Variants in C12orf42 observed in about 807,000 individuals in gnomAD.
C12orf42 encodes the protein uncharacterized protein C12orf42.
A neutral mutation model predicts 21.6 loss-of-function variants in C12orf42; 25 were observed. The observed-to-expected ratio is 1.16, with a 90% CI of 0.84 to 1.62. The LOEUF is 1.62. Ranked by LOEUF, C12orf42 falls within the 40% of genes most tolerant of loss-of-function variation. The probability of loss-of-function intolerance (pLI) is 0.00; values close to 1 mark genes in which losing one functional copy is unlikely to be tolerated. For missense variants in C12orf42, 483 were observed against 459.3 expected (o/e 1.05, Z -0.47); for synonymous variants, 174 against 175.0 (o/e 0.99, Z 0.05).
chr12:103,322,103 G>A (rs1000909507), intron 4 of C12orf42, among the ~76,000 whole-genome samples: 23 of 104,768 alleles, frequency 2.2e-4, no homozygotes, highest in East Asian at 1.6e-3. Flanking sequence ...AGATGTGCAC[G>A]CGCGTGCGTG....
chr12:103,500,207 C>G (rs937157069), upstream of C12orf42, among the ~76,000 whole-genome samples: 12 of 152,262 alleles, frequency 7.9e-5, no homozygotes, highest in East Asian at 2.3e-3. Context: ...TTTTGGGATC[C>G]TAAGAGAAGC....
At chr12:103,348,189 G>T (rs1424412434) in intron 4 of C12orf42, among the ~76,000 whole-genome samples, 1 of 152,154 alleles carries the variant, frequency 6.6e-6, no homozygotes, top group African/African-American at 2.4e-5. Flanking sequence ...GTATAAGAAA[G>T]AGATAAGAAT....
the C12orf42 span, among the ~76,000 whole-genome samples, chr12:103,538,988 C>T: frequency 7.2e-5 from 11 of 151,974 alleles, no homozygotes; most frequent in Middle Eastern, 3.2e-3. Context: ...CTCAGAAAAG[C>T]GAAGAAGGCA....
intron 2 of C12orf42, among the ~76,000 whole-genome samples, chr12:103,469,030 C>A (rs919919756): frequency 6.6e-6 from 1 of 152,198 alleles, no homozygotes; most frequent in Non-Finnish European, 1.5e-5. Context: ...ACTGCATAAC[C>A]ACCAGAAGAT....
At chr12:103,453,771 A>T (rs1172570901) in intron 2 of C12orf42, among the ~76,000 whole-genome samples, 1 of 151,872 alleles carries the variant, frequency 6.6e-6, no homozygotes, top group Non-Finnish European at 1.5e-5. Flanking sequence ...TGATTTTTTC[A>T]CTCAACTTAA....
At chr12:103,185,221 A>C in the C12orf42 span, among the ~76,000 whole-genome samples, 1 of 152,200 alleles carries the variant, frequency 6.6e-6, no homozygotes, top group Non-Finnish European at 1.5e-5. Flanking sequence ...TCATTGGCTA[A>C]GGGCGACTCC....
chr12:103,199,664 A>G, the C12orf42 span, among the ~76,000 whole-genome samples: 2 of 152,228 alleles, frequency 1.3e-5, no homozygotes, highest in African/African-American at 4.8e-5. Context: ...CCATTAATAA[A>G]CAAACATTTC....
downstream of C12orf42, among the ~76,000 whole-genome samples, chr12:103,235,965 G>T (rs766504026): frequency 1.3e-5 from 2 of 152,232 alleles, no homozygotes; most frequent in East Asian, 3.9e-4. Context: ...TGCTCCTTGT[G>T]GTTCTGGAAA....
chr12:103,403,683 A>G (rs1390946045), intron 2 of C12orf42, among the ~76,000 whole-genome samples: 1 of 152,222 alleles, frequency 6.6e-6, no homozygotes, highest in Non-Finnish European at 1.5e-5. Flanking sequence ...AATTTCATTT[A>G]CAAAGCAAGA....
intron 3 of C12orf42, among the ~76,000 whole-genome samples, chr12:103,398,029 A>G (rs1324106564): frequency 6.6e-6 from 1 of 152,204 alleles, no homozygotes; most frequent in Admixed American, 6.5e-5. Flanking sequence ...TCACATATGT[A>G]CCTCATAAAT....
At position 103,389,088 on chromosome 12, in the gene C12orf42, T is replaced by C. The variant is rs370670470; in HGVS notation, c.147+12519A>G. Among the ~76,000 whole-genome samples the C allele has an allele frequency of 7.2e-5, 11 of 152,312 alleles. No individual in the cohort carries two copies. In the South Asian group the frequency reaches 2.1e-3, roughly 29 times the overall value. ...GACCCATGCCAGGGGGAATGTTCCA[T>C]CATCCCCAAATCCCTCTTACCAGAG... On this transcript the variant is annotated intron_variant, in intron 3 of 5. Transcript: ENST00000548883.
intron 1 of C12orf42, among the ~76,000 whole-genome samples, chr12:103,488,049 A>T (rs1954952304): frequency 6.6e-6 from 1 of 152,148 alleles, no homozygotes; most frequent in African/African-American, 2.4e-5. Flanking sequence ...TCTTCATAGC[A>T]CTGATGGTCT....
the C12orf42 span, among the ~76,000 whole-genome samples, chr12:103,107,199 A>T: frequency 3.9e-5 from 6 of 152,062 alleles, no homozygotes. Context: ...AGAAATTAGT[A>T]AGCCAGCTAA....
chr12:103,337,450 A>G (rs1649196521), intron 4 of C12orf42, among the ~76,000 whole-genome samples: 1 of 152,316 alleles, frequency 6.6e-6, no homozygotes, highest in African/African-American at 2.4e-5. Flanking sequence ...TCCCAGGTTC[A>G]AGGGAATCCC....
At chr12:103,100,600 A>G in the C12orf42 span, among the ~76,000 whole-genome samples, 2 of 152,192 alleles carry the variant, frequency 1.3e-5, no homozygotes, top group East Asian at 1.9e-4. Context: ...CCCTGTTGCT[A>G]TTGGTTGGCC....
Position 103,345,230 on chromosome 12 carries a change from T to C in C12orf42, c.259+23657A>G, listed in dbSNP as rs181074108. On this transcript the variant is annotated intron_variant, in intron 4 of 5. Transcript: ENST00000548883. ...CATAAAGCATCCAAGAAATATTAACTCTATAATAACTGGGAATTATTCACC... is the reference window on the plus strand; with the variant it reads ...CATAAAGCATCCAAGAAATATTAACCCTATAATAACTGGGAATTATTCACC... Among the ~76,000 whole-genome samples, 11 of 152,308 alleles carry C rather than the reference T, an allele frequency of 7.2e-5. No individual in the cohort carries two copies. The East Asian group carries it at 2.1e-3, about 29-fold the overall frequency.
At chr12:103,424,649 C>G (rs1181214331) in intron 2 of C12orf42, among the ~76,000 whole-genome samples, 2 of 152,216 alleles carry the variant, frequency 1.3e-5, no homozygotes, top group Non-Finnish European at 2.9e-5. Flanking sequence ...GGATACTATG[C>G]TTTTCCCATG....
the C12orf42 span, among the ~76,000 whole-genome samples, chr12:103,516,341 A>G: frequency 2.1e-4 from 32 of 152,370 alleles, no homozygotes; most frequent in South Asian, 3.7e-3. Flanking sequence ...ATAACTTAGG[A>G]GTAAACCTGA....
At chr12:103,264,922 TAGTC>T (rs935233743), downstream of C12orf42, among the ~76,000 whole-genome samples, 2 of 152,152 alleles carry the variant, frequency 1.3e-5, no homozygotes, top group African/African-American at 4.8e-5. Flanking sequence ...CATTCTGTCT[TAGTC>T]AGTTTAGACT....
Sources: allele counts gnomAD v4.1 joint callset (sites outside exome capture counted in the v4.1 genomes callset), GRCh38; gene constraint gnomAD v4.1.1; transcripts MANE v1.5; gene names NCBI Gene and HGNC (gene_info 2026-07-23, HGNC 2026-07-21).